LRP3: variants seen among roughly 807,000 people sequenced by gnomAD.
The protein encoded by LRP3 is LDL receptor related protein 3, also known as low-density lipoprotein receptor-related protein 3.
LRP3 carries 49 observed loss-of-function variants against 58.5 expected under a neutral mutation model. The ratio of observed to expected loss-of-function variants is 0.84; its 90% CI spans 0.67 to 1.06. The LOEUF is 1.06. Among genes scored for constraint, LRP3 ranks in the 50% least tolerant of loss-of-function variants. The pLI is 0.00. For synonymous variants in LRP3, 485 were observed against 492.2 expected (o/e 0.99, Z 0.20); for missense variants, 1,019 against 1,134.2 (o/e 0.90, Z 1.46).
At position 33,207,048 on chromosome 19, in the gene LRP3, C is replaced by T. The variant is rs530084947; in HGVS notation, c.1786C>T (p.Arg596Cys). 2.1e-5 allele frequency: 31 copies of T among 1,484,886 alleles called. No individual in the cohort carries two copies. The East Asian group carries it at 2.3e-4, about 11-fold the overall frequency. The allele number at this position is 1,484,886 out of a possible 1,614,324, so 92.0% of individuals were successfully genotyped here. ...GAGACAGATGCGTCGGCACGCCTCCCGCCGGGGGCCCTCCCGCCGCCGCCT... is the reference window on the plus strand; with the variant it reads ...GAGACAGATGCGTCGGCACGCCTCCTGCCGGGGGCCCTCCCGCCGCCGCCT... The part of the protein sequence containing the change: ...MRRQMRRHAS[R>C]RGPSRRRLGR... The change falls in exon 7 of 7, where the codon CGC (arginine) becomes TGC (cysteine). Residue 596 changes from arginine (R) to cysteine (C), a missense_variant. Physicochemically the swap from Arg to Cys is radical, Grantham distance 180. Coordinates refer to ENST00000253193, the MANE Select transcript of LRP3 (RefSeq NM_002333.4).
intron 6 of LRP3, 66 bp downstream of exon 6, chr19:33,206,799 CCAGGGG>C: frequency 6.9e-7 from 1 of 1,458,922 alleles, no homozygotes; most frequent in Non-Finnish European, 9.1e-7. Context: ...GGAGGCTGGT[CCAGGGG>C]TCACAGGAGC....
chr19:33,206,684 A>G lies in LRP3; in HGVS notation c.1676A>G (p.Gln559Arg), dbSNP rs1974416148. ...APPSYGQLIA[Q>R]GLIPPVEDFP... The stretch of plus-strand genomic sequence containing the variant: ...CCATCCTATGGTCAGCTCATCGCCC[A>G]GGGCCTCATTCCACCCGTGGAGGAC... The change falls in exon 6 of 7, where the codon CAG (glutamine) becomes CGG (arginine). Residue 559 changes from glutamine to arginine, a missense_variant. This residue lies in a region of LRP3 where 427 missense variants were observed against 408.6 expected (regional missense o/e 1.04). Transcript: ENST00000253193. The G allele has an allele frequency of 6.4e-7, 1 of 1,561,300 alleles. No individual in the cohort carries two copies. The highest frequency in any genetic ancestry group is 8.7e-7 in the Non-Finnish European group (1 of 1,155,134).
Position 33,194,690 on chromosome 19 carries a change from C to CTCGAG in LRP3, c.-96_-95insTCGAG, listed in dbSNP as rs2145445473. ...GCCCGAGCCCTAGCCCGAGCCCGAG[C>CTCGAG]CCGAGCCGCAGCCAGAGCCAGAGCC... is the stretch of plus-strand genomic sequence containing the variant. On this transcript the variant is annotated 5_prime_UTR_variant, in exon 1 of 7. Coordinates refer to ENST00000253193, the MANE Select transcript of LRP3 (RefSeq NM_002333.4). The CTCGAG allele has an allele frequency of 3.1e-6, 1 of 319,668 alleles. No homozygotes were observed. Among genetic ancestry groups the CTCGAG allele is most frequent in the Admixed American group, 6.5e-5 (1 of 15,384 alleles). The allele number at this position is 319,668 out of a possible 1,614,324, so 19.8% of individuals were successfully genotyped here. A position where few individuals can be genotyped will look rare whatever the true frequency, so the allele number is the denominator to read the frequency against.
In LRP3 at chr19:33,206,197, G is replaced by T; in HGVS notation, c.1427G>T (p.Gly476Val). The change falls in exon 5 of 7, where the codon GGC becomes GTC. Residue 476 changes from glycine to valine, a missense_variant. Coordinates refer to ENST00000253193, the MANE Select transcript of LRP3 (RefSeq NM_002333.4). ...LCIFETWRCD[G>V]QEDCQDGSDE... ...ATCTTCGAGACGTGGCGCTGTGACGGCCAGGAAGACTGCCAGGACGGCAGC... is the reference window on the plus strand; with the variant it reads ...ATCTTCGAGACGTGGCGCTGTGACGTCCAGGAAGACTGCCAGGACGGCAGC... The T allele has an allele frequency of 1.3e-6, 2 of 1,594,868 alleles. No individual in the cohort carries two copies. The highest frequency in any genetic ancestry group is 1.7e-6 in the Non-Finnish European group (2 of 1,170,450).
At chr19:33,202,536 C>T (rs1162497541) in intron 2 of LRP3, among the ~76,000 whole-genome samples, 2 of 152,212 alleles carry the variant, frequency 1.3e-5, no homozygotes, top group Admixed American at 1.3e-4. Flanking sequence ...TTGGAGGTGC[C>T]GGCTGGCAGG....
At chr19:33,199,695 C>T (rs1419281272) in intron 2 of LRP3, among the ~76,000 whole-genome samples, 1 of 152,148 alleles carries the variant, frequency 6.6e-6, no homozygotes, top group Admixed American at 6.5e-5. Flanking sequence ...TTTGGAGGCA[C>T]CCGTTGTCAG....
Position 33,199,368 on chromosome 19 carries a change from G to A in LRP3, c.121+2591G>A, listed in dbSNP as rs142529786. Among the ~76,000 whole-genome samples the A allele has an allele frequency of 7.2e-3, 1,101 of 152,152 alleles. 13 individuals carry two copies. Among genetic ancestry groups the A allele is most frequent in the African/African-American group, 0.026 (1,062 of 41,498 alleles). ...GCACACCTGTAGTCTCAGCACTTTGGGAGGCTGAGGTGGGAGGATCACTTG... is the reference window on the plus strand; with the variant it reads ...GCACACCTGTAGTCTCAGCACTTTGAGAGGCTGAGGTGGGAGGATCACTTG... On this transcript the variant is annotated intron_variant, in intron 2 of 6. Transcript: ENST00000253193.
rs1346648563 is a variant in LRP3, at chr19:33,205,340, G to C, written c.570G>C (p.Glu190Asp). 1.2e-6 allele frequency: 2 copies of C among 1,610,502 alleles called. No homozygotes were observed. The highest frequency in any genetic ancestry group is 1.7e-6 in the Non-Finnish European group (2 of 1,178,456). ...PGPWQCNTVD[E>D]CGDGSDEGNC... Reference sequence around the variant, plus strand: ...CGTGGCAGTGCAACACGGTGGACGAGTGTGGAGACGGCTCTGATGAGGGCA... The same window carrying C: ...CGTGGCAGTGCAACACGGTGGACGACTGTGGAGACGGCTCTGATGAGGGCA... Residue 190 changes from glutamate (E) to aspartate (D), a missense_variant, in exon 5 of 7, where the codon GAG becomes GAC. Glu to Asp is a conservative substitution (Grantham distance 45, BLOSUM62 2). Around this residue, in one of 2 missense-constraint regions of LRP3, gnomAD observed 592 missense variants for 725.5 expected, o/e 0.82. Coordinates refer to ENST00000253193, the MANE Select transcript of LRP3 (RefSeq NM_002333.4).
At chr19:33,198,450 A>G (rs781502102) in intron 2 of LRP3, among the ~76,000 whole-genome samples, 1 of 152,106 alleles carries the variant, frequency 6.6e-6, no homozygotes, top group Non-Finnish European at 1.5e-5. Context: ...CACCTCCAGC[A>G]TTACTGACCA....
Position 33,207,434 on chromosome 19 carries a change from G to C in LRP3, c.2172G>C (p.Gln724His). 6.3e-7 allele frequency: 1 copy of C among 1,595,806 alleles called. No homozygotes were observed. Reference protein sequence around the residue: ...ADAPREPCSAQDPHPQVSTAS... With the variant: ...ADAPREPCSAHDPHPQVSTAS... ...CACCTCGGGAGCCCTGCTCAGCCCA[G>C]GACCCGCACCCCCAGGTCTCCACTG... The change falls in exon 7 of 7, where the codon CAG (glutamine) becomes CAC (histidine). Residue 724 changes from glutamine (Q) to histidine (H), a missense_variant. By Grantham distance (24) the Gln-to-His change is conservative. Coordinates refer to ENST00000253193, the MANE Select transcript of LRP3 (RefSeq NM_002333.4).
chr19:33,207,753 G>A lies in LRP3; in HGVS notation c.*178G>A, dbSNP rs1202205180. 2.3e-5 allele frequency: 13 copies of A among 574,752 alleles called. No homozygotes were observed. The highest frequency in any genetic ancestry group is 2.0e-4 in the East Asian group (7 of 35,260). 35.6% of individuals were successfully genotyped at this position (574,752 alleles called of 1,614,324 possible). ...GGCGGGAGCTGTGGGACTGAACGGC[G>A]GGGGGGAGAAGAGTGGAGTGGTGAG... is the stretch of plus-strand genomic sequence containing the variant. On this transcript the variant is annotated 3_prime_UTR_variant, in exon 7 of 7. Coordinates refer to ENST00000253193, the MANE Select transcript of LRP3 (RefSeq NM_002333.4).
At chr19:33,197,580 C>T (rs1012694708) in intron 2 of LRP3, among the ~76,000 whole-genome samples, 12 of 152,164 alleles carry the variant, frequency 7.9e-5, no homozygotes, top group Non-Finnish European at 1.3e-4. Flanking sequence ...TGGGCTATGA[C>T]GGCTCCACCG....
intron 1 of LRP3, among the ~76,000 whole-genome samples, chr19:33,196,302 C>T (rs1347666551): frequency 6.6e-6 from 1 of 152,108 alleles, no homozygotes; most frequent in Non-Finnish European, 1.5e-5. Flanking sequence ...CCTGTAATCC[C>T]AGCACTTTGG....
At chr19:33,196,136 G>GA (rs1190735649) in intron 1 of LRP3, among the ~76,000 whole-genome samples, 5 of 152,190 alleles carry the variant, frequency 3.3e-5, no homozygotes, top group Admixed American at 2.0e-4. Flanking sequence ...TGGCACGGGG[G>GA]AAGAGGATGG....
At chr19:33,199,251 C>T (rs1401257809) in intron 2 of LRP3, among the ~76,000 whole-genome samples, 1 of 152,164 alleles carries the variant, frequency 6.6e-6, no homozygotes, top group Admixed American at 6.5e-5. Context: ...TGGAGATCCC[C>T]CTCCTCATTG....
Position 33,207,041 on chromosome 19 carries a change from C to A in LRP3, c.1779C>A (p.His593Gln), listed in dbSNP as rs1219295568. 18 of 1,478,984 alleles carry A rather than the reference C, an allele frequency of 1.2e-5. No homozygotes were observed. The highest frequency in any genetic ancestry group is 1.5e-5 in the Non-Finnish European group (17 of 1,120,506). The allele number at this position is 1,478,984 out of a possible 1,614,324, so 91.6% of individuals were successfully genotyped here. The change falls in exon 7 of 7, where the codon CAC becomes CAA. Residue 593 changes from histidine (H) to glutamine (Q), a missense_variant. His to Gln is a conservative substitution (Grantham distance 24). This residue lies in a region of LRP3 where 427 missense variants were observed against 408.6 expected (regional missense o/e 1.04). Coordinates refer to ENST00000253193, the MANE Select transcript of LRP3 (RefSeq NM_002333.4). ...RTAMRRQMRR[H>Q]ASRRGPSRRR... ...CCATGCGGAGACAGATGCGTCGGCACGCCTCCCGCCGGGGGCCCTCCCGCC... is the reference window on the plus strand; with the variant it reads ...CCATGCGGAGACAGATGCGTCGGCAAGCCTCCCGCCGGGGGCCCTCCCGCC...
Position 33,206,115 on chromosome 19 carries a change from G to T in LRP3, c.1345G>T (p.Glu449Ter), listed in dbSNP as rs1194464986. Residue 449 changes from glutamate (E) to a stop codon, truncating the protein, a stop_gained, in exon 5 of 7, where the codon GAG becomes TAG. Coordinates refer to ENST00000253193, the MANE Select transcript of LRP3 (RefSeq NM_002333.4). LOFTEE classifies it high-confidence loss of function. The part of the protein sequence containing the change: ...NQKSCPDGAD[E>*]KNCFSCQPGT... ...GAAAAGCTGTCCCGACGGCGCCGACGAGAAGAACTGCTTCTCCTGCCAGCC... is the reference window on the plus strand; with the variant it reads ...GAAAAGCTGTCCCGACGGCGCCGACTAGAAGAACTGCTTCTCCTGCCAGCC... 1 of 1,609,590 alleles carries T rather than the reference G, an allele frequency of 6.2e-7. No homozygotes were observed. The highest frequency in any genetic ancestry group is 2.2e-5 in the East Asian group (1 of 44,768).
In LRP3 at chr19:33,205,239, C is replaced by T. The variant is rs567265379; in HGVS notation, c.476-7C>T. ...TGACTGTCCCCTGCTACGTCTCCACCCCACAGGGAAGCTGGGCCAGGCATC... is the reference window on the plus strand; with the variant it reads ...TGACTGTCCCCTGCTACGTCTCCACTCCACAGGGAAGCTGGGCCAGGCATC... On this transcript the variant is annotated splice_polypyrimidine_tract_variant and splice_region_variant and intron_variant, in intron 4 of 6. Transcript: ENST00000253193. The T allele has an allele frequency of 6.2e-7, 1 of 1,604,704 alleles. No individual in the cohort carries two copies. The highest frequency in any genetic ancestry group is 1.7e-5 in the Admixed American group (1 of 58,958).
At position 33,208,629 on chromosome 19, in the gene LRP3, A is replaced by G. The variant is rs7249980; in HGVS notation, c.*1054A>G. ...ACCGAGGTACGCCCCAGCCACTCCC[A>G]TCTGTGCCCATCAGGGACTCCCCAT... is the stretch of plus-strand genomic sequence containing the variant. On this transcript the variant is annotated 3_prime_UTR_variant, in exon 7 of 7. Coordinates refer to ENST00000253193, the MANE Select transcript of LRP3 (RefSeq NM_002333.4). The surrounding 1 kb of genome is among the most constrained non-coding windows in gnomAD (Gnocchi z 4.7). 0.78 allele frequency: 415,574 copies of G among 533,848 alleles called. 165,785 individuals are homozygous for G. Among genetic ancestry groups the G allele is most frequent in the Middle Eastern group, 0.85 (1,652 of 1,952 alleles). 33.1% of individuals were successfully genotyped at this position (533,848 alleles called of 1,614,324 possible).
Sources: allele counts gnomAD v4.1 joint callset (sites outside exome capture counted in the v4.1 genomes callset), GRCh38; gene constraint gnomAD v4.1.1; regional missense constraint gnomAD v4.1.1; non-coding constraint Gnocchi (gnomAD v3.1); transcripts MANE v1.5; gene names NCBI Gene and HGNC (gene_info 2026-07-23, HGNC 2026-07-21).